The following DYNC2LI1 variants were observed in gnomAD, a reference collection of about 807,000 sequenced individuals.
The protein encoded by DYNC2LI1 is cytoplasmic dynein 2 light intermediate chain 1.
In DYNC2LI1, 45 loss-of-function variants were observed where a neutral mutation model predicts 51.9. The ratio of observed to expected loss-of-function variants is 0.87; its 90% CI spans 0.68 to 1.11. The LOEUF (loss-of-function observed/expected upper bound fraction) is 1.11. Ranked by LOEUF, DYNC2LI1 falls within the 50% of genes most tolerant of loss-of-function variation. The pLI, the probability that DYNC2LI1 is intolerant of heterozygous loss-of-function variation, is 0.00. For synonymous variants in DYNC2LI1, 130 were observed against 137.8 expected, an observed-to-expected ratio of 0.94 and a Z score of 0.40; for missense variants, 490 against 417.4, an observed-to-expected ratio of 1.17 and a Z score of -1.51.
At chr2:43,785,223 C>T (rs756815026) in intron 3 of DYNC2LI1, among the ~76,000 whole-genome samples, 7 of 152,022 alleles carry the variant, frequency 4.6e-5, no homozygotes, top group Non-Finnish European at 8.8e-5. Flanking sequence ...TACTTGAGCC[C>T]GAGAGGTTGA....
At chr2:43,775,508 TG>T (rs1289875640) in intron 1 of DYNC2LI1, among the ~76,000 whole-genome samples, 1 of 151,654 alleles carries the variant, frequency 6.6e-6, no homozygotes, top group Non-Finnish European at 1.5e-5. Flanking sequence ...GGTTTTTTTT[TG>T]GCGGGGGGAG....
chr2:43,783,695 C>T lies in DYNC2LI1; in HGVS notation c.161+141C>T. On this transcript the variant is annotated intron_variant, in intron 3 of 12. Coordinates refer to ENST00000260605, the MANE Select transcript of DYNC2LI1 (RefSeq NM_016008.4). ...AATTCTTAGCAAATCCTTAGTATAACCTTTAAGAGCGCCTTTAAATATAAA... is the reference window on the plus strand; with the variant it reads ...AATTCTTAGCAAATCCTTAGTATAATCTTTAAGAGCGCCTTTAAATATAAA... 1.1e-5 allele frequency: 6 copies of T among 524,402 alleles called. 1 individual carries two copies. In the East Asian group the frequency reaches 2.0e-4, roughly 17 times the overall value. The allele number at this position is 524,402 out of a possible 1,614,324, so 32.5% of individuals were successfully genotyped here.
At position 43,801,720 on chromosome 2, in the gene DYNC2LI1, T is replaced by A; in HGVS notation, c.802+11T>A. 6.3e-7 allele frequency: 1 copy of A among 1,593,516 alleles called. No individual in the cohort carries two copies. The highest frequency in any genetic ancestry group is 1.3e-5 in the African/African-American group (1 of 74,626). On this transcript the variant is annotated intron_variant, in intron 10 of 12. Coordinates refer to ENST00000260605, the MANE Select transcript of DYNC2LI1 (RefSeq NM_016008.4). ...CTTTCGGTCAAATAGGTTAGTGAAC[T>A]TATTAAGATTGTTCAATCTTTTTTT...
At chr2:43,798,950 A>G (rs1001746989) in intron 8 of DYNC2LI1, among the ~76,000 whole-genome samples, 3 of 151,640 alleles carry the variant, frequency 2.0e-5, no homozygotes, top group African/African-American at 7.3e-5. Context: ...AGTTGATCCT[A>G]TATAGTGCAG....
chr2:43,779,214 C>T lies in DYNC2LI1; in HGVS notation c.126+2315C>T, dbSNP rs1175664925. On this transcript the variant is annotated intron_variant, in intron 2 of 12. Coordinates refer to ENST00000260605, the MANE Select transcript of DYNC2LI1 (RefSeq NM_016008.4). Reference sequence around the variant, plus strand: ...GAAGGTTAAGGCTGCCGTGAGCCATCGTGATTGTGCCACTACACTCTAGCC... The same window carrying T: ...GAAGGTTAAGGCTGCCGTGAGCCATTGTGATTGTGCCACTACACTCTAGCC... Among the ~76,000 whole-genome samples the T allele has an allele frequency of 1.3e-5, 2 of 152,094 alleles. 1 individual carries two copies. Among genetic ancestry groups the T allele is most frequent in the Non-Finnish European group, 2.9e-5 (2 of 68,024 alleles).
At chr2:43,793,032 G>A in intron 5 of DYNC2LI1, 1 of 330,024 alleles carries the variant, frequency 3.0e-6, no homozygotes, top group Non-Finnish European at 5.4e-6. Flanking sequence ...TGGAATTGCT[G>A]GATCATCTGG....
the DYNC2LI1 span, among the ~76,000 whole-genome samples, chr2:43,818,836 T>G: frequency 2.3e-4 from 35 of 152,356 alleles, no homozygotes; most frequent in African/African-American, 7.9e-4. Flanking sequence ...CCGTTCCTTC[T>G]CATGATCCCT....
At chr2:43,802,416 A>G (rs934972477) in intron 10 of DYNC2LI1, among the ~76,000 whole-genome samples, 1 of 140,834 alleles carries the variant, frequency 7.1e-6, no homozygotes, top group Non-Finnish European at 1.5e-5. Context: ...TGTTAGTCTT[A>G]CAAGCTAAAG....
chr2:43,807,822 A>G (rs761499701), intron 12 of DYNC2LI1, among the ~76,000 whole-genome samples: 1 of 145,766 alleles, frequency 6.9e-6, no homozygotes, highest in Non-Finnish European at 1.5e-5. Context: ...AACCACAGTT[A>G]TCTTCGGAAA....
downstream of DYNC2LI1, chr2:43,814,397 A>T: frequency 1.1e-6 from 1 of 912,448 alleles, no homozygotes; most frequent in Non-Finnish European, 1.8e-6. Context: ...CACAGTTTTT[A>T]TTTCAAAAAT....
chr2:43,828,104 G>T, the DYNC2LI1 span: 1 of 1,613,904 alleles, frequency 6.2e-7, no homozygotes, highest in African/African-American at 1.3e-5. Flanking sequence ...GCTCTGCCAT[G>T]ACGGCCTCCA....
the DYNC2LI1 span, chr2:43,825,002 G>A: frequency 1.3e-5 from 21 of 1,613,550 alleles, no homozygotes; most frequent in Admixed American, 3.2e-4. Flanking sequence ...GCTCAGGATG[G>A]CAATTTTGTC....
At chr2:43,779,028 G>A (rs1673154827) in intron 2 of DYNC2LI1, among the ~76,000 whole-genome samples, 1 of 152,162 alleles carries the variant, frequency 6.6e-6, no homozygotes, top group African/African-American at 2.4e-5. Context: ...GGCTGAGGCA[G>A]ATGGATTGCT....
downstream of DYNC2LI1, among the ~76,000 whole-genome samples, chr2:43,810,178 C>T (rs568519791): frequency 1.1e-4 from 16 of 152,248 alleles, no homozygotes; most frequent in African/African-American, 3.1e-4. Context: ...GGGAGGAAAC[C>T]GGAATTGGGT....
rs549681067 is a variant in DYNC2LI1, at chr2:43,786,944, A to G, written c.162-237A>G. ...CGCTGCCAGCCTCAACACATTCTCT[A>G]CTTTGCCCCAGCAGTGCCTTTAGGG... is the stretch of plus-strand genomic sequence containing the variant. On this transcript the variant is annotated intron_variant, in intron 3 of 12. Transcript: ENST00000260605. Among the ~76,000 whole-genome samples, 703 of 152,332 alleles carry G rather than the reference A, an allele frequency of 4.6e-3. 3 individuals are homozygous for G. The highest frequency in any genetic ancestry group is 7.9e-3 in the Non-Finnish European group (540 of 68,012).
At chr2:43,778,333 T>C (rs1397099334) in intron 2 of DYNC2LI1, among the ~76,000 whole-genome samples, 1 of 152,052 alleles carries the variant, frequency 6.6e-6, no homozygotes, top group Non-Finnish European at 1.5e-5. Context: ...TTTGTATTTT[T>C]AATAGAGATG....
At chr2:43,795,030 C>G in intron 6 of DYNC2LI1, 1 of 1,090,364 alleles carries the variant, frequency 9.2e-7, no homozygotes. Context: ...GTTGTAATAG[C>G]CTTCACCATC....
chr2:43,805,195 T>A lies in DYNC2LI1; in HGVS notation c.942T>A (p.Asp314Glu). The A allele has an allele frequency of 6.2e-7, 1 of 1,612,402 alleles. No homozygotes were observed. The highest frequency in any genetic ancestry group is 8.5e-7 in the Non-Finnish European group (1 of 1,178,734). The change falls in exon 12 of 13, where the codon GAT (aspartate) becomes GAA (glutamate). Residue 314 changes from aspartate to glutamate, a missense_variant. Physicochemically the swap from Asp to Glu is conservative, Grantham distance 45. Transcript: ENST00000260605. Reference protein sequence around the residue: ...TLKDIKDPARDPQYAENEVDE... With the variant: ...TLKDIKDPAREPQYAENEVDE... The stretch of plus-strand genomic sequence containing the variant: ...AAGATATCAAGGACCCTGCGAGAGA[T>A]CCTCAGTATGCTGAAAATGAAGTCG...
downstream of DYNC2LI1, among the ~76,000 whole-genome samples, chr2:43,813,711 T>A (rs1405745894): frequency 2.4e-5 from 2 of 83,330 alleles, no homozygotes; most frequent in East Asian, 2.6e-4. Context: ...TTTTTTTCGT[T>A]TTTTTTTTTT....
Sources: allele counts gnomAD v4.1 joint callset (sites outside exome capture counted in the v4.1 genomes callset), GRCh38; gene constraint gnomAD v4.1.1; transcripts MANE v1.5; gene names NCBI Gene and HGNC (gene_info 2026-07-23, HGNC 2026-07-21).